Variants in IL1R1 observed in about 807,000 individuals in gnomAD.
IL1R1 encodes the protein interleukin-1 receptor type 1.
IL1R1 carries 22 observed loss-of-function variants against 50.2 expected under a neutral mutation model. The ratio of observed to expected loss-of-function variants is 0.44; its 90% confidence interval spans 0.31 to 0.63. The LOEUF is 0.63. Among genes scored for constraint, IL1R1 ranks in the 20% least tolerant of loss-of-function variants. The pLI, the probability that IL1R1 is intolerant of heterozygous loss-of-function variation, is 0.07. For missense variants in IL1R1, 509 were observed against 676.2 expected (o/e 0.75, Z 2.74); for synonymous variants, 251 against 236.7 (o/e 1.06, Z -0.55).
chr2:102,173,258 A>G (rs1685845031), intron 9 of IL1R1, among the ~76,000 whole-genome samples: 1 of 152,222 alleles, frequency 6.6e-6, no homozygotes, highest in South Asian at 2.1e-4. Flanking sequence ...ATAGGGTAAG[A>G]CTAAATATCC....
intron 1 of IL1R1, among the ~76,000 whole-genome samples, chr2:102,146,270 C>T (rs1045272436): frequency 3.9e-5 from 6 of 152,094 alleles, no homozygotes; most frequent in Non-Finnish European, 8.8e-5. Flanking sequence ...CAGTGGGTCT[C>T]ACCTCATTAA....
chr2:102,148,959 A>G (rs1018953455), intron 1 of IL1R1, among the ~76,000 whole-genome samples: 172 of 151,418 alleles, frequency 1.1e-3, no homozygotes, highest in African/African-American at 4.0e-3. Flanking sequence ...CAAACAAACA[A>G]ACAAACAAAC....
intron 1 of IL1R1, among the ~76,000 whole-genome samples, chr2:102,070,856 C>T (rs1000901567): frequency 6.6e-6 from 1 of 152,030 alleles, no homozygotes; most frequent in African/African-American, 2.4e-5. Flanking sequence ...CCATGGCTGT[C>T]TTTATTTTCT....
At position 102,117,529 on chromosome 2, in the gene IL1R1, G is replaced by T. The variant is rs565660675; in HGVS notation, c.-84+12657G>T. Among the ~76,000 whole-genome samples the T allele has an allele frequency of 1.7e-3, 255 of 152,256 alleles. 1 individual carries two copies. Among genetic ancestry groups the T allele is most frequent in the African/African-American group, 6.0e-3 (249 of 41,556 alleles). ...GGATCCTTAAATAGCTGCCAACATCGCTCTTCAGTTATTTATGTACACAAA... is the reference window on the plus strand; with the variant it reads ...GGATCCTTAAATAGCTGCCAACATCTCTCTTCAGTTATTTATGTACACAAA... On this transcript the variant is annotated intron_variant, in intron 1 of 10. Transcript: ENST00000409329.
intron 7 of IL1R1, among the ~76,000 whole-genome samples, chr2:102,171,307 C>T (rs1468839243): frequency 6.6e-6 from 1 of 152,140 alleles, no homozygotes; most frequent in African/African-American, 2.4e-5. Flanking sequence ...GACACAGCCT[C>T]ACTAAAGAGA....
intron 1 of IL1R1, among the ~76,000 whole-genome samples, chr2:102,076,785 A>AT (rs528266406): frequency 1.3e-5 from 2 of 151,732 alleles, no homozygotes; most frequent in African/African-American, 4.8e-5. Flanking sequence ...TTGTCTTCAT[A>AT]TTTTTTGTAT....
At chr2:102,074,430 A>ATGTCATCTCTGGGCCTCTCCT (rs1678875536) in intron 1 of IL1R1, among the ~76,000 whole-genome samples, 1 of 82,432 alleles carries the variant, frequency 1.2e-5, no homozygotes, top group African/African-American at 7.1e-5. Flanking sequence ...GGGCCTCTCC[A>ATGTCATCTCTGGGCCTCTCCT]TATGGTCTTT....
At position 102,166,301 on chromosome 2, in the gene IL1R1, C is replaced by T; in HGVS notation, c.655+20C>T. 6.3e-7 allele frequency: 1 copy of T among 1,587,666 alleles called. No individual in the cohort carries two copies. The highest frequency in any genetic ancestry group is 8.6e-7 in the Non-Finnish European group (1 of 1,161,864). On this transcript the variant is annotated intron_variant, in intron 6 of 11. Transcript: ENST00000410023. ...CTCTAGGTGAGTCATAGCTCCAGCC[C>T]TAAAAGGTTTAGATCTGGGAAGGTC...
Position 102,179,012 on chromosome 2 carries a change from G to T in IL1R1, c.*2253G>T, listed in dbSNP as rs1257444562. 6.6e-6 allele frequency: 1 copy of T among 152,248 alleles called. No homozygotes were observed. Among genetic ancestry groups the T allele is most frequent in the African/African-American group, 2.4e-5 (1 of 41,392 alleles). 9.4% of individuals were successfully genotyped at this position (152,248 alleles called of 1,614,324 possible). A position where few individuals can be genotyped will look rare whatever the true frequency, so the allele number is the denominator to read the frequency against. ...TTTCCACCTGCTTTCTCCTGGGCCC[G>T]CTTTGCCTGCTTGAAGGAACAGTGC... is the stretch of plus-strand genomic sequence containing the variant. On this transcript the variant is annotated 3_prime_UTR_variant, in exon 12 of 12. Transcript: ENST00000410023.
At chr2:102,109,171 C>G (rs1230440116) in intron 1 of IL1R1, among the ~76,000 whole-genome samples, 1 of 152,046 alleles carries the variant, frequency 6.6e-6, no homozygotes, top group East Asian at 1.9e-4. Flanking sequence ...CAGGCTCACT[C>G]TGGAGCCTGT....
chr2:102,099,549 G>A (rs1186734390), intron 1 of IL1R1, among the ~76,000 whole-genome samples: 1 of 152,140 alleles, frequency 6.6e-6, no homozygotes, highest in Admixed American at 6.5e-5. Context: ...CTTAGTCTAA[G>A]GGCCTGTGGG....
chr2:102,159,631 A>G (rs932296170), intron 3 of IL1R1, among the ~76,000 whole-genome samples: 1 of 152,160 alleles, frequency 6.6e-6, no homozygotes, highest in Admixed American at 6.6e-5. Flanking sequence ...TTTTCCAGCA[A>G]ACGCCTTGGG....
At chr2:102,095,927 C>T (rs909172194) in intron 1 of IL1R1, among the ~76,000 whole-genome samples, 4 of 152,042 alleles carry the variant, frequency 2.6e-5, no homozygotes, top group South Asian at 2.1e-4. Context: ...CACTTGAACC[C>T]GGGAGGCGGA....
chr2:102,138,261 A>G (rs1263108421), upstream of IL1R1, among the ~76,000 whole-genome samples: 1 of 152,196 alleles, frequency 6.6e-6, no homozygotes, highest in African/African-American at 2.4e-5. Context: ...CGCCAAGTCT[A>G]TTGGCCTCTG....
chr2:102,159,320 C>T (rs1684490011), intron 3 of IL1R1, among the ~76,000 whole-genome samples: 1 of 152,142 alleles, frequency 6.6e-6, no homozygotes, highest in Admixed American at 6.5e-5. Flanking sequence ...GACTTAAATT[C>T]CTTGGTCCAG....
At chr2:102,103,210 C>T (rs1203838727), upstream of IL1R1, among the ~76,000 whole-genome samples, 1 of 152,086 alleles carries the variant, frequency 6.6e-6, no homozygotes, top group Non-Finnish European at 1.5e-5. Flanking sequence ...ATGCCTGGCA[C>T]CTGTAAGTGC....
chr2:102,112,480 C>G (rs1013786799), intron 1 of IL1R1, among the ~76,000 whole-genome samples: 45 of 152,114 alleles, frequency 3.0e-4, no homozygotes, highest in Admixed American at 2.9e-3. Context: ...CAGCTCACCC[C>G]CTTCAGTGAG....
In IL1R1 at chr2:102,166,298, G is replaced by A. The variant is rs768041623; in HGVS notation, c.655+17G>A. 7 of 1,591,030 alleles carry A rather than the reference G, an allele frequency of 4.4e-6. No individual in the cohort carries two copies. The South Asian group carries it at 7.9e-5, about 18-fold the overall frequency. On this transcript the variant is annotated intron_variant, in intron 6 of 11. Coordinates refer to ENST00000410023, the MANE Select transcript of IL1R1 (RefSeq NM_000877.4). ...TTACTCTAGGTGAGTCATAGCTCCAGCCCTAAAAGGTTTAGATCTGGGAAG... is the reference window on the plus strand; with the variant it reads ...TTACTCTAGGTGAGTCATAGCTCCAACCCTAAAAGGTTTAGATCTGGGAAG...
intron 1 of IL1R1, among the ~76,000 whole-genome samples, chr2:102,073,967 C>T (rs1006050231): frequency 2.6e-5 from 4 of 152,150 alleles, no homozygotes; most frequent in African/African-American, 4.8e-5. Flanking sequence ...TTATTCCAAT[C>T]GAACGTCTCA....
Sources: allele counts gnomAD v4.1 joint callset (sites outside exome capture counted in the v4.1 genomes callset), GRCh38; gene constraint gnomAD v4.1.1; transcripts MANE v1.5; gene names NCBI Gene and HGNC (gene_info 2026-07-23, HGNC 2026-07-21).